TMEM243: variants seen among roughly 807,000 people sequenced by gnomAD.
TMEM243 encodes the protein transmembrane protein 243.
TMEM243 carries 20 observed loss-of-function variants against 15.0 expected under a neutral mutation model. The observed-to-expected ratio is 1.33, with a 90% CI of 0.94 to 1.93. The LOEUF (loss-of-function observed/expected upper bound fraction) is 1.93, where lower values mean the gene tolerates loss of function less well. TMEM243 is among the 30% of genes most tolerant of loss of function. TMEM243 has a pLI of 0.00. For missense variants in TMEM243, 156 were observed against 142.1 expected, an observed-to-expected ratio of 1.10 and a Z score of -0.50; for synonymous variants, 72 against 52.7, an observed-to-expected ratio of 1.37 and a Z score of -1.59.
In TMEM243 at chr7:87,211,412, G is replaced by A. The variant is rs1802737154; in HGVS notation, c.78+8014C>T. ...CCAAAGGGTGCTACTTCCTACCATT[G>A]TTTACCTGGACTGAGTGATTCAGAC... On this transcript the variant is annotated intron_variant, in intron 1 of 3. Coordinates refer to ENST00000257637, the MANE Select transcript of TMEM243 (RefSeq NM_024315.4). Among the ~76,000 whole-genome samples the A allele has an allele frequency of 2.0e-5, 3 of 152,148 alleles. No homozygotes were observed. In the South Asian group the frequency reaches 6.2e-4, roughly 31 times the overall value.
At chr7:87,198,087 A>G in intron 2 of TMEM243, 42 bp from the exon 3 acceptor site, 1 of 1,526,306 alleles carries the variant, frequency 6.6e-7, no homozygotes, top group Non-Finnish European at 9.0e-7. Flanking sequence ...CAGTAATTCC[A>G]AGACTTGGTA....
chr7:87,197,212 G>A (rs527685425), intron 3 of TMEM243, among the ~76,000 whole-genome samples: 1 of 152,220 alleles, frequency 6.6e-6, no homozygotes, highest in African/African-American at 2.4e-5. Flanking sequence ...AAAGTGGGAT[G>A]GGCTAGTTCT....
At chr7:87,209,700 C>T (rs1366964275) in intron 1 of TMEM243, among the ~76,000 whole-genome samples, 1 of 123,896 alleles carries the variant, frequency 8.1e-6, no homozygotes, top group African/African-American at 3.3e-5. Context: ...GAGAGCGAGA[C>T]ACAGTGAGAG....
chr7:87,201,359 C>G (rs1801794119), intron 1 of TMEM243, among the ~76,000 whole-genome samples: 1 of 152,206 alleles, frequency 6.6e-6, no homozygotes, highest in African/African-American at 2.4e-5. Context: ...GAATCTTAGG[C>G]CTCACTGAGA....
At chr7:87,217,018 C>T (rs959722273) in intron 1 of TMEM243, 3 of 152,200 alleles carry the variant, frequency 2.0e-5, no homozygotes, top group African/African-American at 7.2e-5. Flanking sequence ...GCTGAATGCC[C>T]ACCATGTTGC....
chr7:87,197,716 TAAGCTATCAAGGGAG>T, intron 3 of TMEM243: 1 of 118,874 alleles, frequency 8.4e-6, no homozygotes, highest in Non-Finnish European at 1.1e-5. Flanking sequence ...TTTTTTTTTT[TAAGCTATCAAGGGAG>T]TGGAATTTCT....
At chr7:87,209,826 GAC>G (rs371150277) in intron 1 of TMEM243, among the ~76,000 whole-genome samples, 2 of 145,172 alleles carry the variant, frequency 1.4e-5, no homozygotes, top group African/African-American at 5.4e-5. Flanking sequence ...GAGAGCGAGA[GAC>G]AGTGAGAGAG....
intron 1 of TMEM243, among the ~76,000 whole-genome samples, chr7:87,209,596 G>A: frequency 6.8e-6 from 1 of 147,224 alleles, no homozygotes; most frequent in African/African-American, 2.6e-5. Context: ...CAGTGAGACA[G>A]TGAGAGAGAG....
At chr7:87,199,240 T>C (rs1801608681) in intron 1 of TMEM243, 183 bp from the exon 2 acceptor site, 1 of 481,686 alleles carries the variant, frequency 2.1e-6, no homozygotes, top group Non-Finnish European at 3.6e-6. Flanking sequence ...AAATGTACTT[T>C]GGGAAAATGG....
intron 3 of TMEM243, chr7:87,197,591 A>C (rs963263440): frequency 6.4e-5 from 34 of 531,100 alleles, no homozygotes; most frequent in Non-Finnish European, 9.3e-5. Flanking sequence ...CCTTAGCAGT[A>C]ACTGGCATTT....
intron 1 of TMEM243, among the ~76,000 whole-genome samples, chr7:87,202,585 A>G (rs1584523540): frequency 1.3e-5 from 2 of 152,314 alleles, no homozygotes; most frequent in Middle Eastern, 3.4e-3. Flanking sequence ...CTATTTACCA[A>G]TGGGTAACTA....
intron 1 of TMEM243, among the ~76,000 whole-genome samples, chr7:87,211,037 T>A (rs1157705796): frequency 6.6e-6 from 1 of 152,210 alleles, no homozygotes; most frequent in East Asian, 1.9e-4. Context: ...CAGGACCTGA[T>A]CCACAAAACC....
chr7:87,205,296 C>T (rs1438288406), intron 1 of TMEM243, among the ~76,000 whole-genome samples: 2 of 151,930 alleles, frequency 1.3e-5, no homozygotes, highest in African/African-American at 4.8e-5. Flanking sequence ...TTTGGCTCCT[C>T]TTACTTGTGC....
rs1485910170 is a variant in TMEM243 at position 87,198,039 on chromosome 7, G to C, written c.136C>G (p.Leu46Val). ...SLTSLLILVT[L>V]ISAFVFPQLP... The stretch of plus-strand genomic sequence containing the variant: ...TGAGGGAAAACAAAAGCACTTATCA[G>C]CGTTACCTGTATGAAGAGAAATTAT... The change falls in exon 3 of 4, where the codon CTG (leucine) becomes GTG (valine). Residue 46 changes from leucine (L) to valine (V), a missense_variant. Coordinates refer to ENST00000257637, the MANE Select transcript of TMEM243 (RefSeq NM_024315.4). 1 of 1,611,858 alleles carries C rather than the reference G, an allele frequency of 6.2e-7. No individual in the cohort carries two copies. The highest frequency in any genetic ancestry group is 1.1e-5 in the South Asian group (1 of 90,958).
At chr7:87,204,544 A>C (rs1802065147) in intron 1 of TMEM243, among the ~76,000 whole-genome samples, 1 of 152,210 alleles carries the variant, frequency 6.6e-6, no homozygotes, top group Non-Finnish European at 1.5e-5. Context: ...AAATCAGAAA[A>C]ACTGGCCAAA....
rs1399545734 is a variant in TMEM243, at chr7:87,209,685, AGC to A, written c.78+9739_78+9740del. Reference sequence around the variant, plus strand: ...GCGAGAGAGAGCGAGAGCGAGACACAGCGAGAGAGCGAGACACAGTGAGAGCG... The same window carrying A: ...GCGAGAGAGAGCGAGAGCGAGACACAGAGAGAGCGAGACACAGTGAGAGCG... On this transcript the variant is annotated intron_variant, in intron 1 of 3. Transcript: ENST00000257637. 2.1e-3 allele frequency among the ~76,000 whole-genome samples: 69 copies of A among 32,828 alleles called. 1 individual carries two copies. Among genetic ancestry groups the A allele is most frequent in the Admixed American group, 9.6e-3 (33 of 3,452 alleles). 21.5% of individuals were successfully genotyped at this position (32,828 alleles called of 152,430 possible). A position where few individuals can be genotyped will look rare whatever the true frequency, so the allele number is the denominator to read the frequency against.
Position 87,219,604 on chromosome 7 carries a change from G to T in TMEM243, c.-101C>A. 1 of 1,079,118 alleles carries T rather than the reference G, an allele frequency of 9.3e-7. No individual in the cohort carries two copies. The highest frequency in any genetic ancestry group is 2.6e-5 in the East Asian group (1 of 39,142). The allele number at this position is 1,079,118 out of a possible 1,614,324, so 66.8% of individuals were successfully genotyped here. A position where few individuals can be genotyped will look rare whatever the true frequency, so the allele number is the denominator to read the frequency against. On this transcript the variant is annotated 5_prime_UTR_variant, in exon 1 of 4. Transcript: ENST00000257637. Reference sequence around the variant, plus strand: ...TGCAAGCCTCCTCCTCACGGCTCCCGCATAGCCGAACCCGAGTGGTCGGGG... The same window carrying T: ...TGCAAGCCTCCTCCTCACGGCTCCCTCATAGCCGAACCCGAGTGGTCGGGG...
intron 1 of TMEM243, 27 bp from the exon 2 acceptor site, chr7:87,199,084 A>G (rs768950520): frequency 2.5e-6 from 4 of 1,592,822 alleles, no homozygotes; most frequent in South Asian, 1.1e-5. Context: ...TTTTTAAGCC[A>G]TATGACTTGG....
intron 1 of TMEM243, among the ~76,000 whole-genome samples, chr7:87,209,687 CGA>C (rs1562885082): frequency 8.7e-5 from 7 of 80,776 alleles, no homozygotes; most frequent in Middle Eastern, 9.4e-3. Context: ...CGAGACACAG[CGA>C]GAGAGCGAGA....
Sources: allele counts gnomAD v4.1 joint callset (sites outside exome capture counted in the v4.1 genomes callset), GRCh38; gene constraint gnomAD v4.1.1; transcripts MANE v1.5; gene names NCBI Gene and HGNC (gene_info 2026-07-23, HGNC 2026-07-21).